The following PLXDC2 variants were observed in gnomAD, a reference collection of about 807,000 sequenced individuals.
The protein encoded by PLXDC2 is plexin domain-containing protein 2.
PLXDC2 carries 40 observed loss-of-function variants against 68.9 expected under a neutral mutation model. That is an observed-to-expected ratio of 0.58 (90% CI 0.45 to 0.76). PLXDC2 has a LOEUF of 0.76. PLXDC2 is among the 30% of genes least tolerant of loss of function. The probability of loss-of-function intolerance (pLI) is 0.00; values close to 1 mark genes in which losing one functional copy is unlikely to be tolerated. For missense variants in PLXDC2, 644 were observed against 661.9 expected, an observed-to-expected ratio of 0.97 and a Z score of 0.30; for synonymous variants, 243 against 234.2, an observed-to-expected ratio of 1.04 and a Z score of -0.34.
chr10:20,015,980 A>G (rs1052491334), intron 2 of PLXDC2, among the ~76,000 whole-genome samples: 2 of 152,184 alleles, frequency 1.3e-5, no homozygotes, highest in African/African-American at 4.8e-5. Context: ...CCATGTCACC[A>G]TTATGGCAAA....
intron 13 of PLXDC2, among the ~76,000 whole-genome samples, chr10:20,272,362 A>G (rs1835950973): frequency 6.6e-6 from 1 of 152,172 alleles, no homozygotes; most frequent in Non-Finnish European, 1.5e-5. Context: ...AGGAGGACAG[A>G]GTTTACTTTC....
Position 19,816,452 on chromosome 10 carries a change from T to G in PLXDC2, c.-628T>G, listed in dbSNP as rs1836341867. 2 of 143,246 alleles carry G rather than the reference T, an allele frequency of 1.4e-5. No homozygotes were observed. The highest frequency in any genetic ancestry group is 1.4e-4 in the Admixed American group (2 of 14,014). The allele number at this position is 143,246 out of a possible 1,614,324, so 8.9% of individuals were successfully genotyped here. ...ACCTCAGACTGCTGCAGCCCTAACC[T>G]TCCCAGGGCTCAGCTCTTTGGAGCT... On this transcript the variant is annotated 5_prime_UTR_variant, in exon 1 of 14. Transcript: ENST00000377252.
intron 13 of PLXDC2, among the ~76,000 whole-genome samples, chr10:20,275,437 A>T (rs1835993708): frequency 6.6e-6 from 1 of 152,128 alleles, no homozygotes; most frequent in East Asian, 1.9e-4. Flanking sequence ...TTAGTTCTGT[A>T]GTTTCCAAAA....
intron 9 of PLXDC2, among the ~76,000 whole-genome samples, chr10:20,211,304 G>A (rs1035310451): frequency 3.3e-5 from 5 of 151,928 alleles, no homozygotes; most frequent in African/African-American, 4.8e-5. Context: ...CAAAAAAAGT[G>A]TGTATTTATT....
intron 1 of PLXDC2, among the ~76,000 whole-genome samples, chr10:19,846,396 G>A (rs1235939258): frequency 2.0e-5 from 3 of 152,066 alleles, no homozygotes; most frequent in African/African-American, 7.2e-5. Flanking sequence ...TCTCGAGGAG[G>A]GAAAAAGAAA....
intron 13 of PLXDC2, among the ~76,000 whole-genome samples, chr10:20,253,951 G>C (rs1588545493): frequency 6.6e-6 from 1 of 152,150 alleles, no homozygotes; most frequent in Non-Finnish European, 1.5e-5. Context: ...CCTGAAACCT[G>C]AGTGGGCAGT....
At chr10:19,830,605 C>T (rs1177480638) in intron 1 of PLXDC2, among the ~76,000 whole-genome samples, 1 of 152,154 alleles carries the variant, frequency 6.6e-6, no homozygotes, top group Non-Finnish European at 1.5e-5. Flanking sequence ...CTATGTTGTT[C>T]TCCTGGGTTT....
intron 1 of PLXDC2, among the ~76,000 whole-genome samples, chr10:19,878,641 C>T (rs1392847576): frequency 6.6e-6 from 1 of 152,134 alleles, no homozygotes; most frequent in African/African-American, 2.4e-5. Context: ...GCTATCCTTA[C>T]CCCCGACAGT....
intron 6 of PLXDC2, 71 bp from the exon 7 acceptor site, chr10:20,164,397 G>T: frequency 8.3e-7 from 1 of 1,198,810 alleles, no homozygotes. Context: ...GAAACAAGAG[G>T]ATCCTACTAC....
chr10:20,063,583 T>G (rs1836142197), intron 3 of PLXDC2, among the ~76,000 whole-genome samples: 1 of 134,226 alleles, frequency 7.5e-6, no homozygotes, highest in Middle Eastern at 3.5e-3. Context: ...ATAATTCCTG[T>G]GTTATTAAAA....
intron 1 of PLXDC2, among the ~76,000 whole-genome samples, chr10:19,859,634 A>G (rs1837282966): frequency 6.6e-6 from 1 of 152,208 alleles, no homozygotes; most frequent in Non-Finnish European, 1.5e-5. Context: ...GAAAATGCAC[A>G]GTATAGCATT....
intron 1 of PLXDC2, among the ~76,000 whole-genome samples, chr10:19,885,693 G>A (rs918866931): frequency 2.0e-5 from 3 of 151,696 alleles, no homozygotes; most frequent in African/African-American, 7.2e-5. Context: ...TGAGGGCTCT[G>A]TTCTGTTCCA....
At chr10:20,092,279 C>T (rs953329339) in intron 4 of PLXDC2, among the ~76,000 whole-genome samples, 4 of 152,074 alleles carry the variant, frequency 2.6e-5, no homozygotes, top group Non-Finnish European at 4.4e-5. Context: ...TTACTTTAAG[C>T]CTTATCCGGT....
At chr10:20,177,468 A>G (rs1589666876) in intron 9 of PLXDC2, 59 bp downstream of exon 9, 4 of 934,128 alleles carry the variant, frequency 4.3e-6, no homozygotes, top group Middle Eastern at 3.6e-4. Flanking sequence ...AAAAGATTAG[A>G]AATTAAAAAT....
At chr10:20,259,450 C>T (rs1835782979) in intron 13 of PLXDC2, among the ~76,000 whole-genome samples, 1 of 151,920 alleles carries the variant, frequency 6.6e-6, no homozygotes, top group African/African-American at 2.4e-5. Flanking sequence ...ACATTAAAAA[C>T]AGAACCATTA....
At position 19,895,988 on chromosome 10, in the gene PLXDC2, A is replaced by G. The variant is rs140719117; in HGVS notation, c.112+78797A>G. ...CACTTTGGAATCATGGTACCACTCCAGGAAGGTCCTGGAGCAGGTCAAGGT... is the reference window on the plus strand; with the variant it reads ...CACTTTGGAATCATGGTACCACTCCGGGAAGGTCCTGGAGCAGGTCAAGGT... On this transcript the variant is annotated intron_variant, in intron 1 of 13. Coordinates refer to ENST00000377252, the MANE Select transcript of PLXDC2 (RefSeq NM_032812.9). Among the ~76,000 whole-genome samples, 170 of 152,298 alleles carry G rather than the reference A, an allele frequency of 1.1e-3. 2 individuals carry two copies. Among genetic ancestry groups the G allele is most frequent in the Middle Eastern group, 3.4e-3 (1 of 294 alleles).
intron 1 of PLXDC2, among the ~76,000 whole-genome samples, chr10:19,915,391 T>G (rs1030036977): frequency 2.0e-5 from 3 of 152,210 alleles, no homozygotes; most frequent in African/African-American, 7.2e-5. Flanking sequence ...TGTATGACTC[T>G]TACTGTCATT....
At chr10:20,169,801 T>C (rs1834423066) in intron 7 of PLXDC2, among the ~76,000 whole-genome samples, 1 of 152,202 alleles carries the variant, frequency 6.6e-6, no homozygotes. Context: ...GGCCTTGCAC[T>C]AGAAACCAGT....
intron 4 of PLXDC2, among the ~76,000 whole-genome samples, chr10:20,086,177 C>T (rs1037739738): frequency 2.6e-5 from 4 of 151,790 alleles, no homozygotes; most frequent in East Asian, 1.9e-4. Flanking sequence ...TGCTTGTTGA[C>T]GAGACAGGGT....
Sources: allele counts gnomAD v4.1 joint callset (sites outside exome capture counted in the v4.1 genomes callset), GRCh38; gene constraint gnomAD v4.1.1; transcripts MANE v1.5; gene names NCBI Gene and HGNC (gene_info 2026-07-23, HGNC 2026-07-21).